The following C2orf78 variants were observed in gnomAD, a reference collection of about 807,000 sequenced individuals.
C2orf78 encodes uncharacterized protein C2orf78.
A neutral mutation model predicts 21.4 loss-of-function variants in C2orf78; 12 were observed. The observed-to-expected ratio is 0.56, with a 90% CI of 0.36 to 0.91. C2orf78 has a LOEUF of 0.91. Among genes scored for constraint, C2orf78 ranks in the 40% least tolerant of loss-of-function variants. The pLI is 0.01. For synonymous variants in C2orf78, 396 were observed against 413.9 expected, an observed-to-expected ratio of 0.96 and a Z score of 0.52; for missense variants, 1,042 against 1,092.4, an observed-to-expected ratio of 0.95 and a Z score of 0.65.
chr2:73,809,323 C>T (rs931343098), intron 1 of C2orf78, among the ~76,000 whole-genome samples: 21 of 152,172 alleles, frequency 1.4e-4, no homozygotes, highest in African/African-American at 4.6e-4. Flanking sequence ...ACTAATATTT[C>T]AACTTTCGTA....
At chr2:73,812,951 TA>T (rs1445593754) in intron 1 of C2orf78, among the ~76,000 whole-genome samples, 1 of 152,136 alleles carries the variant, frequency 6.6e-6, no homozygotes, top group Non-Finnish European at 1.5e-5. Context: ...AATGCCATAT[TA>T]AAAGTTCTAA....
At chr2:73,815,790 C>A in exon 3 of C2orf78, 5 of 1,613,752 alleles carry the variant, frequency 3.1e-6, no homozygotes, top group South Asian at 1.1e-5. Context: ...GCCAAAGAAC[C>A]CAGAGTGCCT....
chr2:73,786,327 C>T (rs1311216334), intron 1 of C2orf78, among the ~76,000 whole-genome samples: 4 of 150,738 alleles, frequency 2.7e-5, no homozygotes, highest in Non-Finnish European at 4.4e-5. Context: ...TGCAGTGAGC[C>T]GAGATCGTGC....
exon 2 of C2orf78, chr2:73,813,952 T>G (rs768226270): frequency 4.3e-6 from 7 of 1,613,992 alleles, no homozygotes; most frequent in African/African-American, 1.3e-5. Flanking sequence ...GGACACTAAC[T>G]CAAATTCCAA....
At chr2:73,810,383 C>T (rs1194183103) in intron 1 of C2orf78, among the ~76,000 whole-genome samples, 3 of 151,358 alleles carry the variant, frequency 2.0e-5, no homozygotes, top group Non-Finnish European at 4.4e-5. Flanking sequence ...CAAAATTAGC[C>T]GGGCATGGTG....
chr2:73,816,763 T>C, exon 3 of C2orf78: 3 of 1,613,900 alleles, frequency 1.9e-6, no homozygotes, highest in Non-Finnish European at 2.5e-6. Flanking sequence ...CAATTTCTAA[T>C]CCAAGACTTC....
At position 73,814,843 on chromosome 2, in the gene C2orf78, C is replaced by A. The variant is rs141523070; in HGVS notation, c.848-228C>A. 4.8e-3 allele frequency among the ~76,000 whole-genome samples: 733 copies of A among 152,278 alleles called. 10 individuals carry two copies. The highest frequency in any genetic ancestry group is 0.017 in the African/African-American group (695 of 41,546). On this transcript the variant is annotated intron_variant, in intron 2 of 2. Coordinates refer to ENST00000409561, the Ensembl canonical transcript of C2orf78. ...AAAATCACTTTCACTTTTTGATCTA[C>A]AACAACCCTATGAAATACAAAGAAA...
At chr2:73,786,053 A>G (rs1013222330) in intron 1 of C2orf78, among the ~76,000 whole-genome samples, 1 of 151,390 alleles carries the variant, frequency 6.6e-6, no homozygotes, top group African/African-American at 2.4e-5. Context: ...CTTCAAAAAG[A>G]AAAAAAAAGA....
chr2:73,812,286 C>A (rs897760630), intron 1 of C2orf78, among the ~76,000 whole-genome samples: 1 of 152,094 alleles, frequency 6.6e-6, no homozygotes, highest in Non-Finnish European at 1.5e-5. Flanking sequence ...TAGCTACATA[C>A]CCCAATTTTC....
At chr2:73,809,276 A>G (rs937880273) in intron 1 of C2orf78, among the ~76,000 whole-genome samples, 1 of 152,206 alleles carries the variant, frequency 6.6e-6, no homozygotes, top group African/African-American at 2.4e-5. Flanking sequence ...AACTAGCAAT[A>G]TATTCTGAGA....
chr2:73,816,737 G>A, exon 3 of C2orf78: 3 of 1,613,934 alleles, frequency 1.9e-6, no homozygotes, highest in Non-Finnish European at 2.5e-6. Flanking sequence ...TCCGGTCACT[G>A]CCCAAGCCTC....
chr2:73,815,833 C>T lies in C2orf78; in HGVS notation c.1610C>T (p.Thr537Ile), dbSNP rs773844954. 15 of 1,613,652 alleles carry T rather than the reference C, an allele frequency of 9.3e-6. No homozygotes were observed. The Middle Eastern group carries it at 4.9e-4, about 53-fold the overall frequency. ...AGAGAAGTGGTTGTTGGCAGTGCTA[C>T]AGTCAGTAACAGCGCTTCTGTGAAC... Residue 537 changes from threonine to isoleucine, a missense_variant, in exon 3 of 3, where the codon ACA becomes ATA. By Grantham distance (89) the Thr-to-Ile change is moderately conservative (BLOSUM62 -1). Transcript: ENST00000409561.
intron 1 of C2orf78, among the ~76,000 whole-genome samples, chr2:73,810,776 A>ATT (rs1673070851): frequency 8.0e-6 from 1 of 125,034 alleles, no homozygotes; most frequent in East Asian, 2.1e-4. Context: ...ATATATATAA[A>ATT]ATATACATGT....
At chr2:73,816,037 T>A in exon 3 of C2orf78, 1 of 1,613,840 alleles carries the variant, frequency 6.2e-7, no homozygotes. Context: ...ATTCCCAATA[T>A]GAAACGGAAG....
exon 3 of C2orf78, chr2:73,816,121 C>A (rs1673190767): frequency 6.2e-7 from 1 of 1,613,808 alleles, no homozygotes; most frequent in African/African-American, 1.3e-5. Flanking sequence ...ATGCTAGAGT[C>A]CGTGCAAGTT....
intron 1 of C2orf78, among the ~76,000 whole-genome samples, chr2:73,809,657 G>T (rs191061994): frequency 1.3e-5 from 2 of 151,142 alleles, no homozygotes; most frequent in Non-Finnish European, 2.9e-5. Context: ...GGTTGGGGGT[G>T]TGCCAGCTAC....
At chr2:73,811,458 G>A (rs755186931) in intron 1 of C2orf78, among the ~76,000 whole-genome samples, 15 of 152,056 alleles carry the variant, frequency 9.9e-5, no homozygotes, top group Non-Finnish European at 2.2e-4. Context: ...AGAATGTATC[G>A]TTATTTGCAT....
At chr2:73,816,825 T>C (rs1673212843) in exon 3 of C2orf78, 2 of 1,613,980 alleles carry the variant, frequency 1.2e-6, no homozygotes, top group African/African-American at 2.7e-5. Flanking sequence ...GCCAGTAATG[T>C]CAACGCCCAT....
exon 2 of C2orf78, chr2:73,814,166 T>C (rs757342920): frequency 6.2e-7 from 1 of 1,608,382 alleles, no homozygotes; most frequent in East Asian, 2.2e-5. Context: ...ACCACCAGTC[T>C]CTACTTCTGG....
Sources: allele counts gnomAD v4.1 joint callset (sites outside exome capture counted in the v4.1 genomes callset), GRCh38; gene constraint gnomAD v4.1.1; transcripts MANE v1.5; gene names NCBI Gene and HGNC (gene_info 2026-07-23, HGNC 2026-07-21).